JAZF1: variants seen among roughly 807,000 people sequenced by gnomAD.
JAZF1 encodes the protein JAZF zinc finger 1.
JAZF1 carries 8 observed loss-of-function variants against 26.4 expected under a neutral mutation model. That is an observed-to-expected ratio of 0.30 (90% CI 0.18 to 0.55). The LOEUF (loss-of-function observed/expected upper bound fraction) is 0.55. Among genes scored for constraint, JAZF1 ranks in the 20% least tolerant of loss-of-function variants. The pLI, the probability that JAZF1 is intolerant of heterozygous loss-of-function variation, is 0.94. For missense variants in JAZF1, 199 were observed against 322.0 expected, an observed-to-expected ratio of 0.62 and a Z score of 2.92; for synonymous variants, 126 against 122.3, an observed-to-expected ratio of 1.03 and a Z score of -0.20.
chr7:27,921,960 G>C (rs112753529), intron 2 of JAZF1, among the ~76,000 whole-genome samples: 1 of 152,198 alleles, frequency 6.6e-6, no homozygotes, highest in Non-Finnish European at 1.5e-5. Flanking sequence ...TCAGTTATAC[G>C]AACTCTATGA....
chr7:28,138,488 A>T (rs533319913), intron 1 of JAZF1, among the ~76,000 whole-genome samples: 11 of 152,096 alleles, frequency 7.2e-5, no homozygotes, highest in Admixed American at 2.0e-4. Flanking sequence ...CTAATAAAAA[A>T]CCCTTTATTC....
At chr7:28,074,838 A>C (rs1445843168) in intron 1 of JAZF1, among the ~76,000 whole-genome samples, 1 of 152,206 alleles carries the variant, frequency 6.6e-6, no homozygotes, top group African/African-American at 2.4e-5. Flanking sequence ...ACTTCCACTC[A>C]CTGGAGAATC....
At chr7:27,915,131 A>C (rs1784425453) in intron 2 of JAZF1, among the ~76,000 whole-genome samples, 1 of 152,202 alleles carries the variant, frequency 6.6e-6, no homozygotes, top group Non-Finnish European at 1.5e-5. Flanking sequence ...CTTCTTTATT[A>C]AACTGGTCAT....
At chr7:27,898,304 T>TACAC (rs1554274076) in intron 2 of JAZF1, among the ~76,000 whole-genome samples, 2 of 128,930 alleles carry the variant, frequency 1.6e-5, no homozygotes, top group South Asian at 2.4e-4. Flanking sequence ...TATATATATA[T>TACAC]ACATCGGTTT....
At chr7:28,122,344 T>C (rs1301548330) in intron 1 of JAZF1, among the ~76,000 whole-genome samples, 3 of 152,172 alleles carry the variant, frequency 2.0e-5, no homozygotes, top group Non-Finnish European at 4.4e-5. Flanking sequence ...GCTCCTACCA[T>C]GTCTGGAACA....
chr7:28,113,225 A>G lies in JAZF1; in HGVS notation c.115+67238T>C, dbSNP rs549192520. Among the ~76,000 whole-genome samples, 66 of 152,288 alleles carry G rather than the reference A, an allele frequency of 4.3e-4. No homozygotes were observed. In the Middle Eastern group the frequency reaches 0.01, roughly 24 times the overall value. The stretch of plus-strand genomic sequence containing the variant: ...TTCTGTTGCTTTATGGCGACAGACT[A>G]CAGTATTTAGAGATGGAAATGATCG... On this transcript the variant is annotated intron_variant, in intron 1 of 4. Coordinates refer to ENST00000283928, the MANE Select transcript of JAZF1 (RefSeq NM_175061.4).
intron 2 of JAZF1, among the ~76,000 whole-genome samples, chr7:27,989,767 C>T (rs376893113): frequency 2.6e-5 from 4 of 152,174 alleles, no homozygotes; most frequent in East Asian, 3.9e-4. Context: ...TGGCAATCAT[C>T]AAAAAGTCAG....
chr7:27,905,292 T>C (rs959437569), intron 2 of JAZF1, among the ~76,000 whole-genome samples: 1 of 151,454 alleles, frequency 6.6e-6, no homozygotes, highest in African/African-American at 2.4e-5. Context: ...TAAGTTTATA[T>C]ATGACATATA....
At chr7:27,845,696 CAAA>C (rs796643520) in intron 3 of JAZF1, among the ~76,000 whole-genome samples, 4 of 51,128 alleles carry the variant, frequency 7.8e-5, no homozygotes, top group African/African-American at 8.2e-5. Flanking sequence ...GACTCTGCCT[CAAA>C]AAAAAAAAAA....
intron 2 of JAZF1, among the ~76,000 whole-genome samples, chr7:27,923,139 G>A (rs892464478): frequency 2.6e-5 from 4 of 152,116 alleles, no homozygotes; most frequent in Non-Finnish European, 5.9e-5. Flanking sequence ...TGCCTTCTGT[G>A]GTTGTTTAGC....
chr7:27,899,979 G>A (rs1389822979), intron 2 of JAZF1, among the ~76,000 whole-genome samples: 2 of 152,278 alleles, frequency 1.3e-5, no homozygotes, highest in Non-Finnish European at 1.5e-5. Flanking sequence ...TTTACATGGG[G>A]GCAGTGGGCA....
At chr7:28,090,422 T>C (rs1256308559) in intron 1 of JAZF1, among the ~76,000 whole-genome samples, 2 of 152,246 alleles carry the variant, frequency 1.3e-5, no homozygotes, top group African/African-American at 2.4e-5. Flanking sequence ...TCATCTTATT[T>C]TTCATAACTT....
At chr7:27,910,205 G>C (rs910740956) in intron 2 of JAZF1, among the ~76,000 whole-genome samples, 37 of 152,240 alleles carry the variant, frequency 2.4e-4, no homozygotes, top group South Asian at 4.1e-4. Context: ...TTTTAAGTTA[G>C]AGGGAAAAAA....
At chr7:27,857,218 C>T (rs1256492366) in intron 3 of JAZF1, among the ~76,000 whole-genome samples, 3 of 152,226 alleles carry the variant, frequency 2.0e-5, no homozygotes, top group African/African-American at 7.2e-5. Flanking sequence ...GTAGCTAAGG[C>T]CCGGTGAGAA....
At chr7:27,865,023 A>C (rs1483792136) in intron 3 of JAZF1, among the ~76,000 whole-genome samples, 1 of 152,186 alleles carries the variant, frequency 6.6e-6, no homozygotes, top group Admixed American at 6.5e-5. Flanking sequence ...TTAATGGGGC[A>C]TGACGAGCAT....
chr7:28,172,887 G>A (rs570712022), intron 1 of JAZF1, among the ~76,000 whole-genome samples: 2 of 152,204 alleles, frequency 1.3e-5, no homozygotes, highest in Non-Finnish European at 2.9e-5. Context: ...AACAAAATGT[G>A]GACCCAATTC....
intron 1 of JAZF1, among the ~76,000 whole-genome samples, chr7:28,080,720 A>T (rs1784121968): frequency 6.6e-6 from 1 of 152,202 alleles, no homozygotes; most frequent in African/African-American, 2.4e-5. Flanking sequence ...TCAACACATA[A>T]AACATTTATT....
chr7:27,943,943 T>C (rs974600881), intron 2 of JAZF1, among the ~76,000 whole-genome samples: 2 of 152,202 alleles, frequency 1.3e-5, no homozygotes, highest in Non-Finnish European at 2.9e-5. Flanking sequence ...CTGATTTTCA[T>C]ACTTTCTTTG....
chr7:28,086,702 T>G (rs963833006), intron 1 of JAZF1, among the ~76,000 whole-genome samples: 4 of 152,234 alleles, frequency 2.6e-5, no homozygotes, highest in African/African-American at 9.6e-5. Context: ...GGAGGAGACA[T>G]CAAATTAAAG....
Sources: gnomAD v4.1 joint callset for allele counts (sites outside exome capture counted in the v4.1 genomes callset) on GRCh38, gnomAD v4.1.1 for gene constraint, MANE v1.5 for transcripts, NCBI Gene and HGNC (gene_info 2026-07-23, HGNC 2026-07-21) for gene names.